The following IFNA17 variants were observed in gnomAD, a reference collection of about 807,000 sequenced individuals.
IFNA17 encodes interferon alpha 17.
For missense variants in IFNA17, 285 were observed against 212.7 expected, an observed-to-expected ratio of 1.34 and a Z score of -2.11; for synonymous variants, 107 against 80.5, an observed-to-expected ratio of 1.33 and a Z score of -1.76.
rs148039803 is a variant in IFNA17 at position 21,227,709 on chromosome 9, T to C, written c.465A>G (p.Thr155=). ...KYFQRITLYL[T]EKKYSPCAWE... is the part of the protein sequence containing the mutation. The stretch of plus-strand genomic sequence containing the variant: ...AGGCACAAGGGCTGTATTTCTTCTC[T>C]GTTAGATAAAGAGTGATTCTTTGGA... The change falls in exon 1 of 1, where the codon ACA becomes ACG. Residue 155 remains threonine (T), a synonymous_variant. Coordinates refer to ENST00000413767, the MANE Select transcript of IFNA17 (RefSeq NM_021268.2). 80 of 1,614,002 alleles carry C rather than the reference T, an allele frequency of 5.0e-5. 1 individual carries two copies. Among genetic ancestry groups the C allele is most frequent in the African/African-American group, 4.7e-4 (35 of 75,022 alleles).
chr9:21,227,652 A>G lies in IFNA17; in HGVS notation c.522T>C (p.Ser174=), dbSNP rs7025879. ...WEVVRAEIMR[S]LSFSTNLQKI... ...TTTGCAAGTTTGTTGAAAAAGAGAG[A>G]GATCTCATGATTTCTGCTCTGACAA... Residue 174 remains serine, a synonymous_variant, in exon 1 of 1, where the codon TCT becomes TCC. Transcript: ENST00000413767. The G allele has an allele frequency of 0.21, 320,230 of 1,509,404 alleles. 47,021 individuals carry two copies. The highest frequency in any genetic ancestry group is 0.54 in the East Asian group (23,654 of 43,446). The allele number at this position is 1,509,404 out of a possible 1,614,324, so 93.5% of individuals were successfully genotyped here.
Position 21,227,537 on chromosome 9 carries a change from G to T in IFNA17, c.*67C>A. 1 of 1,586,838 alleles carries T rather than the reference G, an allele frequency of 6.3e-7. No homozygotes were observed. The highest frequency in any genetic ancestry group is 1.2e-5 in the South Asian group (1 of 86,666). Reference sequence around the variant, plus strand: ...GTTATAGAAGTGAGTCTTTGAAATGGAGGAACTCATGAAAGTGTGAGATAA... The same window carrying T: ...GTTATAGAAGTGAGTCTTTGAAATGTAGGAACTCATGAAAGTGTGAGATAA... On this transcript the variant is annotated 3_prime_UTR_variant, in exon 1 of 1. Transcript: ENST00000413767.
At position 21,227,765 on chromosome 9, in the gene IFNA17, C is replaced by T; in HGVS notation, c.409G>A (p.Glu137Lys). Residue 137 changes from glutamate to lysine, a missense_variant, in exon 1 of 1, where the codon GAG becomes AAG. Transcript: ENST00000413767. ...VGMEETPLMNEDSILAVRKYF... is the reference protein window; with the variant it reads ...VGMEETPLMNKDSILAVRKYF... ...TTCCTCACAGCCAGGATGGAGTCCTCATTCATCAGGGGAGTCTCTTCCATC... is the reference window on the plus strand; with the variant it reads ...TTCCTCACAGCCAGGATGGAGTCCTTATTCATCAGGGGAGTCTCTTCCATC... 1 of 1,614,020 alleles carries T rather than the reference C, an allele frequency of 6.2e-7. No homozygotes were observed. Among genetic ancestry groups the T allele is most frequent in the Non-Finnish European group, 8.5e-7 (1 of 1,179,976 alleles).
rs1818639546 is a variant in IFNA17 at position 21,227,447 on chromosome 9, C to A, written c.*157G>T. On this transcript the variant is annotated 3_prime_UTR_variant, in exon 1 of 1. Transcript: ENST00000413767. ...CATCTGTAAAGTACTAGTGCCTGCACAGGTATACACGACGCTTCTTTACAC... is the reference window on the plus strand; with the variant it reads ...CATCTGTAAAGTACTAGTGCCTGCAAAGGTATACACGACGCTTCTTTACAC... 2.0e-5 allele frequency: 21 copies of A among 1,060,332 alleles called. 1 individual carries two copies. In the South Asian group the frequency reaches 3.3e-4, roughly 17 times the overall value. The allele number at this position is 1,060,332 out of a possible 1,614,324, so 65.7% of individuals were successfully genotyped here.
Position 21,227,467 on chromosome 9 carries a change from T to C in IFNA17, c.*137A>G, listed in dbSNP as rs1253018514. 1.0e-5 allele frequency: 14 copies of C among 1,391,586 alleles called. No individual in the cohort carries two copies. The highest frequency in any genetic ancestry group is 1.4e-5 in the African/African-American group (1 of 69,286). The allele number at this position is 1,391,586 out of a possible 1,614,324, so 86.2% of individuals were successfully genotyped here. A position where few individuals can be genotyped will look rare whatever the true frequency, so the allele number is the denominator to read the frequency against. ...CTGCACAGGTATACACGACGCTTCT[T>C]TACACTGCTGAAAACATTTGAAAAT... On this transcript the variant is annotated 3_prime_UTR_variant, in exon 1 of 1. Coordinates refer to ENST00000413767, the MANE Select transcript of IFNA17 (RefSeq NM_021268.2).
At position 21,228,072 on chromosome 9, in the gene IFNA17, A is replaced by C. The variant is rs759906993; in HGVS notation, c.102T>G (p.Asn34Lys). 5 of 1,614,128 alleles carry C rather than the reference A, an allele frequency of 3.1e-6. No homozygotes were observed. Among genetic ancestry groups the C allele is most frequent in the Non-Finnish European group, 4.2e-6 (5 of 1,180,024 alleles). ...GTGCCAGGAGTATCAAGGCCCTCCT[A>C]TTACCCAGGCTGTGGGTCTGAGGCA... is the stretch of plus-strand genomic sequence containing the variant. ...CDLPQTHSLG[N>K]RRALILLAQM... The change falls in exon 1 of 1, where the codon AAT (asparagine) becomes AAG (lysine). Residue 34 changes from asparagine (N) to lysine (K), a missense_variant. Transcript: ENST00000413767.
chr9:21,227,833 T>C lies in IFNA17; in HGVS notation c.341A>G (p.Gln114Arg), dbSNP rs1282576610. 1.9e-6 allele frequency: 3 copies of C among 1,613,854 alleles called. No individual in the cohort carries two copies. The highest frequency in any genetic ancestry group is 2.5e-6 in the Non-Finnish European group (3 of 1,179,924). ...LLEKFSTELY[Q>R]QLNNLEACVI... ...ACATGCTTCCAGGTTATTCAGTTGC[T>C]GGTAAAGTTCAGTGGAAAATTTTTC... is the stretch of plus-strand genomic sequence containing the variant. The change falls in exon 1 of 1, where the codon CAG becomes CGG. Residue 114 changes from glutamine to arginine, a missense_variant. By Grantham distance (43) the Gln-to-Arg change is conservative. Transcript: ENST00000413767.
Position 21,227,646 on chromosome 9 carries a change from A to G in IFNA17, c.528T>C (p.Ser176=), listed in dbSNP as rs754268139. 1.2e-6 allele frequency: 2 copies of G among 1,612,060 alleles called. No individual in the cohort carries two copies. The highest frequency in any genetic ancestry group is 2.7e-5 in the African/African-American group (2 of 74,662). The part of the protein sequence containing the change: ...VVRAEIMRSL[S]FSTNLQKILR... ...ATATTTTTTGCAAGTTTGTTGAAAAAGAGAGAGATCTCATGATTTCTGCTC... is the reference window on the plus strand; with the variant it reads ...ATATTTTTTGCAAGTTTGTTGAAAAGGAGAGAGATCTCATGATTTCTGCTC... The change falls in exon 1 of 1, where the codon TCT becomes TCC. Residue 176 remains serine, a synonymous_variant. Coordinates refer to ENST00000413767, the MANE Select transcript of IFNA17 (RefSeq NM_021268.2).
rs946737188 is a variant in IFNA17, at chr9:21,227,836, T to C, written c.338A>G (p.Tyr113Cys). The C allele has an allele frequency of 1.9e-6, 3 of 1,613,732 alleles. No homozygotes were observed. Among genetic ancestry groups the C allele is most frequent in the Non-Finnish European group, 2.5e-6 (3 of 1,179,912 alleles). ...TGCTTCCAGGTTATTCAGTTGCTGG[T>C]AAAGTTCAGTGGAAAATTTTTCTAG... is the stretch of plus-strand genomic sequence containing the variant. Reference protein sequence around the residue: ...SLLEKFSTELYQQLNNLEACV... With the variant: ...SLLEKFSTELCQQLNNLEACV... Residue 113 changes from tyrosine to cysteine, a missense_variant, in exon 1 of 1, where the codon TAC becomes TGC. Tyr to Cys is a radical substitution (Grantham distance 194). Transcript: ENST00000413767.
In IFNA17 at chr9:21,228,003, A is replaced by G. The variant is rs775203697; in HGVS notation, c.171T>C (p.His57=). 20 of 1,613,958 alleles carry G rather than the reference A, an allele frequency of 1.2e-5. No homozygotes were observed. The highest frequency in any genetic ancestry group is 1.5e-5 in the Non-Finnish European group (18 of 1,180,014). Residue 57 remains histidine, a synonymous_variant, in exon 1 of 1, where the codon CAT becomes CAC. Transcript: ENST00000413767. ...ACTCCTCCTGGGGAAGTCCAAAGTC[A>G]TGTCTGTCCTTCAGGCAGGAGAAAG... ...ISPFSCLKDR[H]DFGLPQEEFD...
In IFNA17 at chr9:21,228,143, C is replaced by T. The variant is rs774703899; in HGVS notation, c.31G>A (p.Val11Met). 32 of 1,613,700 alleles carry T rather than the reference C, an allele frequency of 2.0e-5. No homozygotes were observed. Among genetic ancestry groups the T allele is most frequent in the Middle Eastern group, 1.6e-4 (1 of 6,078 alleles). ...ATGGATTTGTAGCTGAGCACCAGCA[C>T]GGCCATCAGTAAAGAAAAGGACAGG... is the stretch of plus-strand genomic sequence containing the variant. MALSFSLLMA[V>M]LVLSYKSICS... The change falls in exon 1 of 1, where the codon GTG (valine) becomes ATG (methionine). Residue 11 changes from valine to methionine, a missense_variant. By Grantham distance (21) the Val-to-Met change is conservative. Coordinates refer to ENST00000413767, the MANE Select transcript of IFNA17 (RefSeq NM_021268.2).
rs1444896875 is a variant in IFNA17 at position 21,227,840 on chromosome 9, G to T, written c.334C>A (p.Leu112Ile). The T allele has an allele frequency of 4.3e-6, 7 of 1,613,828 alleles. No homozygotes were observed. The South Asian group carries it at 5.5e-5, about 13-fold the overall frequency. The change falls in exon 1 of 1, where the codon CTT (leucine) becomes ATT (isoleucine). Residue 112 changes from leucine to isoleucine, a missense_variant. By Grantham distance (5) the Leu-to-Ile change is conservative. Coordinates refer to ENST00000413767, the MANE Select transcript of IFNA17 (RefSeq NM_021268.2). Reference protein sequence around the residue: ...QSLLEKFSTELYQQLNNLEAC... With the variant: ...QSLLEKFSTEIYQQLNNLEAC... The stretch of plus-strand genomic sequence containing the variant: ...TCCAGGTTATTCAGTTGCTGGTAAA[G>T]TTCAGTGGAAAATTTTTCTAGGAGG...
chr9:21,227,732 G>A, the IFNA17 span: 2 of 1,614,008 alleles, frequency 1.2e-6, no homozygotes, highest in Non-Finnish European at 1.7e-6. Flanking sequence ...GTGATTCTTT[G>A]GAAGTATTTC....
chr9:21,227,478 A>C lies in IFNA17; in HGVS notation c.*126T>G. 16 of 1,465,196 alleles carry C rather than the reference A, an allele frequency of 1.1e-5. No homozygotes were observed. The South Asian group carries it at 1.8e-4, about 16-fold the overall frequency. The allele number at this position is 1,465,196 out of a possible 1,614,324, so 90.8% of individuals were successfully genotyped here. ...TACACGACGCTTCTTTACACTGCTG[A>C]AAACATTTGAAAATTTTGATTCAAC... On this transcript the variant is annotated 3_prime_UTR_variant, in exon 1 of 1. Transcript: ENST00000413767.
chr9:21,228,086 G>A lies in IFNA17; in HGVS notation c.88C>T (p.His30Tyr). 6.2e-7 allele frequency: 1 copy of A among 1,614,086 alleles called. No individual in the cohort carries two copies. Among genetic ancestry groups the A allele is most frequent in the East Asian group, 2.2e-5 (1 of 44,860 alleles). ...CSLGCDLPQTHSLGNRRALIL... is the reference protein window; with the variant it reads ...CSLGCDLPQTYSLGNRRALIL... ...AAGGCCCTCCTATTACCCAGGCTGT[G>A]GGTCTGAGGCAGATCACAGCCTAGA... Residue 30 changes from histidine (H) to tyrosine (Y), a missense_variant, in exon 1 of 1, where the codon CAC becomes TAC. By Grantham distance (83) the His-to-Tyr change is moderately conservative. Coordinates refer to ENST00000413767, the MANE Select transcript of IFNA17 (RefSeq NM_021268.2).
In IFNA17 at chr9:21,228,200, A is replaced by G. The variant is rs773104388; in HGVS notation, c.-27T>C. The G allele has an allele frequency of 6.3e-7, 1 of 1,594,066 alleles. No homozygotes were observed. Among genetic ancestry groups the G allele is most frequent in the Non-Finnish European group, 8.5e-7 (1 of 1,170,542 alleles). Reference sequence around the variant, plus strand: ...GGGATGTTGCAAATGTTGCTAGGCTACTTGAGATGGGTAACCTTGAACTTT... The same window carrying G: ...GGGATGTTGCAAATGTTGCTAGGCTGCTTGAGATGGGTAACCTTGAACTTT... On this transcript the variant is annotated 5_prime_UTR_variant, in exon 1 of 1. Transcript: ENST00000413767.
rs150705157 is a variant in IFNA17 at position 21,227,954 on chromosome 9, T to A, written c.220A>T (p.Thr74Ser). The A allele has an allele frequency of 6.2e-7, 1 of 1,613,784 alleles. No homozygotes were observed. Among genetic ancestry groups the A allele is most frequent in the South Asian group, 1.1e-5 (1 of 91,070 alleles). The change falls in exon 1 of 1, where the codon ACT becomes TCT. Residue 74 changes from threonine to serine, a missense_variant. Transcript: ENST00000413767. ...EEFDGNQFQK[T>S]QAISVLHEMI... ...TCATGGAGGACAGAGATGGCTTGAG[T>A]CTTCTGGAACTGGTTGCCATCAAAC...
At chr9:21,227,930 C>A in the IFNA17 span, 1 of 1,613,914 alleles carries the variant, frequency 6.2e-7, no homozygotes, top group African/African-American at 1.3e-5. Flanking sequence ...TGGATCATCT[C>A]ATGGAGGACA....
chr9:21,227,840 G>C lies in IFNA17; in HGVS notation c.334C>G (p.Leu112Val), dbSNP rs1444896875. The C allele has an allele frequency of 4.3e-6, 7 of 1,613,828 alleles. No individual in the cohort carries two copies. The highest frequency in any genetic ancestry group is 1.3e-5 in the African/African-American group (1 of 74,968). ...TCCAGGTTATTCAGTTGCTGGTAAAGTTCAGTGGAAAATTTTTCTAGGAGG... is the reference window on the plus strand; with the variant it reads ...TCCAGGTTATTCAGTTGCTGGTAAACTTCAGTGGAAAATTTTTCTAGGAGG... ...QSLLEKFSTELYQQLNNLEAC... is the reference protein window; with the variant it reads ...QSLLEKFSTEVYQQLNNLEAC... The change falls in exon 1 of 1, where the codon CTT becomes GTT. Residue 112 changes from leucine to valine, a missense_variant. Leu to Val is a conservative substitution (Grantham distance 32, BLOSUM62 1). Transcript: ENST00000413767.
Sources: allele counts gnomAD v4.1 joint callset, GRCh38; gene constraint gnomAD v4.1.1; transcripts MANE v1.5; gene names NCBI Gene and HGNC (gene_info 2026-07-23, HGNC 2026-07-21).